Variants in NLGN1 observed in about 807,000 individuals in gnomAD.
The protein encoded by NLGN1 is neuroligin-1.
NLGN1 carries 12 observed loss-of-function variants against 65.5 expected under a neutral mutation model. The observed-to-expected ratio is 0.18, with a 90% confidence interval of 0.12 to 0.30. The LOEUF is 0.30. Among genes scored for constraint, NLGN1 ranks in the 10% least tolerant of loss-of-function variants. NLGN1 has a pLI of 1.00. For missense variants in NLGN1, 750 were observed against 1,007.1 expected, an observed-to-expected ratio of 0.74 and a Z score of 3.46; for synonymous variants, 350 against 359.5, an observed-to-expected ratio of 0.97 and a Z score of 0.30.
At chr3:173,843,495 G>A (rs1725182688) in intron 4 of NLGN1, among the ~76,000 whole-genome samples, 1 of 152,158 alleles carries the variant, frequency 6.6e-6, no homozygotes, top group Non-Finnish European at 1.5e-5. Context: ...TAGCACCTAA[G>A]TCACCTCTTG....
At chr3:173,759,243 A>G (rs1777595465) in intron 3 of NLGN1, among the ~76,000 whole-genome samples, 1 of 151,960 alleles carries the variant, frequency 6.6e-6, no homozygotes, top group Non-Finnish European at 1.5e-5. Context: ...TCTTCCTTTC[A>G]CTAATTAACA....
chr3:174,045,057 C>CTAA (rs1579970446), intron 4 of NLGN1, among the ~76,000 whole-genome samples: 2 of 152,202 alleles, frequency 1.3e-5, no homozygotes, highest in East Asian at 3.9e-4. Context: ...TGAGAATGGA[C>CTAA]TAATACACCA....
At chr3:173,778,040 C>T (rs1395761181) in intron 3 of NLGN1, among the ~76,000 whole-genome samples, 1 of 151,804 alleles carries the variant, frequency 6.6e-6, no homozygotes, top group African/African-American at 2.4e-5. Flanking sequence ...TCATCAAATT[C>T]ACTTTTCACT....
intron 4 of NLGN1, among the ~76,000 whole-genome samples, chr3:174,210,581 A>G (rs1254878581): frequency 6.6e-6 from 1 of 152,172 alleles, no homozygotes. Flanking sequence ...TTGAGGCCCA[A>G]AGAAAACAAG....
intron 4 of NLGN1, among the ~76,000 whole-genome samples, chr3:174,066,558 C>G (rs879817068): frequency 0.16 from 20,980 of 132,418 alleles, 1,907 homozygotes; most frequent in African/African-American, 0.22. Context: ...CTCTCTCTCT[C>G]TCTCTCTGTG....
intron 1 of NLGN1, among the ~76,000 whole-genome samples, chr3:173,415,943 A>AGAGAGCGAGCGAGAGC (rs141095727): frequency 7.0e-6 from 1 of 142,828 alleles, no homozygotes; most frequent in African/African-American, 2.8e-5. Context: ...AGAGAGAGAG[A>AGAGAGCGAGCGAGAGC]GCTTGGTATA....
At chr3:174,216,543 A>C (rs1737651234) in intron 4 of NLGN1, among the ~76,000 whole-genome samples, 1 of 152,110 alleles carries the variant, frequency 6.6e-6, no homozygotes, top group Admixed American at 6.5e-5. Context: ...GAGTAGATAG[A>C]TGTGCCCCTT....
chr3:173,718,127 G>A (rs543656124), intron 3 of NLGN1, among the ~76,000 whole-genome samples: 63 of 152,050 alleles, frequency 4.1e-4, no homozygotes, highest in Non-Finnish European at 7.7e-4. Flanking sequence ...CACCTCAAAC[G>A]TTTGTTATTT....
At chr3:173,659,074 G>C (rs1396678392) in intron 3 of NLGN1, among the ~76,000 whole-genome samples, 1 of 152,072 alleles carries the variant, frequency 6.6e-6, no homozygotes, top group African/African-American at 2.4e-5. Context: ...CATTAGGCAG[G>C]TGAGTCCCCT....
intron 2 of NLGN1, among the ~76,000 whole-genome samples, chr3:173,545,903 A>G (rs557250282): frequency 1.3e-5 from 2 of 151,938 alleles, no homozygotes; most frequent in South Asian, 4.2e-4. Flanking sequence ...ATGAGAACAC[A>G]TGGACACAGG....
intron 2 of NLGN1, among the ~76,000 whole-genome samples, chr3:173,489,735 C>T (rs551414939): frequency 1.3e-5 from 2 of 151,938 alleles, no homozygotes; most frequent in Non-Finnish European, 2.9e-5. Context: ...TCCACATCCT[C>T]TCCAGCACCT....
intron 3 of NLGN1, among the ~76,000 whole-genome samples, chr3:173,632,852 T>G (rs549000995): frequency 0.058 from 5,281 of 90,554 alleles, 93 homozygotes; most frequent in African/African-American, 0.16. Context: ...TTTTTTTGTT[T>G]TTTTTTTTTT....
rs1263903316 is a variant in NLGN1 at position 173,539,695 on chromosome 3, T to C, written c.-320-64584T>C. Among the ~76,000 whole-genome samples the C allele has an allele frequency of 2.9e-5, 4 of 138,466 alleles. No individual in the cohort carries two copies. The South Asian group carries it at 6.5e-4, about 22-fold the overall frequency. The allele number at this position is 138,466 out of a possible 152,430, so 90.8% of individuals were successfully genotyped here. A position where few individuals can be genotyped will look rare whatever the true frequency, so the allele number is the denominator to read the frequency against. ...CATATATAACATACATATATGTACA[T>C]ATGCACATATATACATATATGTACA... On this transcript the variant is annotated intron_variant, in intron 2 of 6. Coordinates refer to ENST00000457714, the Ensembl canonical transcript of NLGN1.
At chr3:173,607,601 T>G (rs1198533025) in intron 3 of NLGN1, among the ~76,000 whole-genome samples, 1 of 151,800 alleles carries the variant, frequency 6.6e-6, no homozygotes, top group Non-Finnish European at 1.5e-5. Context: ...TTTTACCTGT[T>G]TTTTTAAATT....
chr3:174,230,782 TA>T (rs912902955), intron 4 of NLGN1, among the ~76,000 whole-genome samples: 20 of 152,044 alleles, frequency 1.3e-4, no homozygotes, highest in African/African-American at 3.9e-4. Flanking sequence ...GATAAATATT[TA>T]AAAAAAATAG....
chr3:173,842,384 A>G (rs529442954), intron 4 of NLGN1, among the ~76,000 whole-genome samples: 1 of 151,992 alleles, frequency 6.6e-6, no homozygotes, highest in African/African-American at 2.4e-5. Context: ...CAGTCCCCCA[A>G]TGTCTTAATT....
At chr3:174,039,668 A>G (rs1415421141) in intron 4 of NLGN1, among the ~76,000 whole-genome samples, 2 of 152,160 alleles carry the variant, frequency 1.3e-5, no homozygotes, top group Non-Finnish European at 1.5e-5. Context: ...TGCAAAGGAC[A>G]AAATATATAC....
At chr3:174,177,455 C>T (rs999539117) in intron 4 of NLGN1, among the ~76,000 whole-genome samples, 4 of 152,038 alleles carry the variant, frequency 2.6e-5, no homozygotes, top group East Asian at 1.9e-4. Context: ...ATAAATTCTG[C>T]TTGATTCCTC....
chr3:173,601,680 G>GT (rs954000042), intron 2 of NLGN1, among the ~76,000 whole-genome samples: 1 of 151,650 alleles, frequency 6.6e-6, no homozygotes, highest in Non-Finnish European at 1.5e-5. Flanking sequence ...ATAGTTTGGG[G>GT]TTTTTTTGGT....
Sources: gnomAD v4.1 joint callset for allele counts (sites outside exome capture counted in the v4.1 genomes callset) on GRCh38, gnomAD v4.1.1 for gene constraint, MANE v1.5 for transcripts, NCBI Gene and HGNC (gene_info 2026-07-23, HGNC 2026-07-21) for gene names.